RAD51B: variants seen among roughly 807,000 people sequenced by gnomAD.
RAD51B encodes the protein DNA repair protein RAD51 homolog 2.
A neutral mutation model predicts 42.2 loss-of-function variants in RAD51B; 38 were observed. The ratio of observed to expected loss-of-function variants is 0.90; its 90% CI spans 0.70 to 1.18. The LOEUF (loss-of-function observed/expected upper bound fraction) is 1.18. Ranked by LOEUF, RAD51B falls within the 50% of genes most tolerant of loss-of-function variation. The pLI is 0.00. For synonymous variants in RAD51B, 154 were observed against 145.2 expected, an observed-to-expected ratio of 1.06 and a Z score of -0.43; for missense variants, 373 against 400.7, an observed-to-expected ratio of 0.93 and a Z score of 0.59.
At chr14:68,416,751 G>A (rs2084570503) in intron 9 of RAD51B, among the ~76,000 whole-genome samples, 1 of 152,210 alleles carries the variant, frequency 6.6e-6, no homozygotes, top group Admixed American at 6.5e-5. Context: ...TAGTCTATGG[G>A]AGGATGGGAG....
chr14:68,479,667 C>CTTTTTTTTTTTTTTTTT (rs34999023), downstream of RAD51B, among the ~76,000 whole-genome samples: 9 of 96,452 alleles, frequency 9.3e-5, no homozygotes, highest in Non-Finnish European at 1.2e-4. Flanking sequence ...TCTTATTCTT[C>CTTTTTTTTTTTTTTTTT]TTTTTTTTTT....
chr14:68,513,973 G>A (rs2140317574), intron 10 of RAD51B, among the ~76,000 whole-genome samples: 1 of 152,302 alleles, frequency 6.6e-6, no homozygotes, highest in East Asian at 1.9e-4. Context: ...TAAAAAGGAA[G>A]CAATCCACGA....
intron 10 of RAD51B, among the ~76,000 whole-genome samples, chr14:68,633,983 T>C (rs1347598743): frequency 6.6e-6 from 1 of 152,204 alleles, no homozygotes; most frequent in African/African-American, 2.4e-5. Flanking sequence ...GGCAACTGTC[T>C]TCCAGTTGCT....
intron 7 of RAD51B, among the ~76,000 whole-genome samples, chr14:68,048,924 T>C (rs1166157062): frequency 1.3e-5 from 2 of 152,146 alleles, no homozygotes; most frequent in Non-Finnish European, 2.9e-5. Flanking sequence ...TTTATTGCGG[T>C]ACTATTCACA....
At chr14:68,619,842 T>C (rs1052165551) in intron 10 of RAD51B, among the ~76,000 whole-genome samples, 1 of 152,222 alleles carries the variant, frequency 6.6e-6, no homozygotes, top group Non-Finnish European at 1.5e-5. Context: ...TAGTGCACCT[T>C]TTCTGTCTTC....
rs532073865 is a variant in RAD51B, at chr14:68,098,061, T to A, written c.757-193823T>A. ...TCTTTCCTACTTGTTCTCATAGACA[T>A]TTATGTACAGTCTCGTGACTCTTTT... is the stretch of plus-strand genomic sequence containing the variant. On this transcript the variant is annotated intron_variant, in intron 7 of 10. Transcript: ENST00000471583. Among the ~76,000 whole-genome samples, 4 of 152,354 alleles carry A rather than the reference T, an allele frequency of 2.6e-5. No homozygotes were observed. In the East Asian group the frequency reaches 7.7e-4, roughly 29 times the overall value.
intron 10 of RAD51B, among the ~76,000 whole-genome samples, chr14:68,537,471 C>T (rs1235218354): frequency 6.7e-6 from 1 of 149,726 alleles, no homozygotes. Flanking sequence ...TGTACTCCAG[C>T]CTGGGCGACA....
intron 7 of RAD51B, among the ~76,000 whole-genome samples, chr14:68,123,191 CTTTTTTTTTTTTT>C (rs541886088): frequency 1.6e-5 from 2 of 125,502 alleles, no homozygotes; most frequent in African/African-American, 6.3e-5. Flanking sequence ...TTCTTTCTTT[CTTTTTTTTTTTTT>C]TTTTTTGAGA....
At chr14:67,836,060 G>A (rs991567670) in intron 4 of RAD51B, among the ~76,000 whole-genome samples, 1 of 152,188 alleles carries the variant, frequency 6.6e-6, no homozygotes, top group Non-Finnish European at 1.5e-5. Flanking sequence ...TATTGGATTA[G>A]TTAATACTGT....
intron 10 of RAD51B, among the ~76,000 whole-genome samples, chr14:68,505,433 T>C (rs1230368925): frequency 2.0e-5 from 3 of 152,120 alleles, no homozygotes; most frequent in African/African-American, 7.2e-5. Context: ...ATCTGTCAGC[T>C]GCCCGCTCTG....
At chr14:67,927,785 A>ATATATATACAC (rs1332025885) in intron 7 of RAD51B, among the ~76,000 whole-genome samples, 5 of 148,884 alleles carry the variant, frequency 3.4e-5, no homozygotes, top group African/African-American at 1.3e-4. Context: ...ACACATATAT[A>ATATATATACAC]ATGTGTGTGT....
At chr14:68,017,864 G>A (rs750972942) in intron 7 of RAD51B, among the ~76,000 whole-genome samples, 8 of 151,980 alleles carry the variant, frequency 5.3e-5, no homozygotes, top group Non-Finnish European at 1.0e-4. Flanking sequence ...CCAGCTACTC[G>A]GGACGCTGAG....
chr14:68,414,193 A>G (rs183670039), intron 9 of RAD51B, among the ~76,000 whole-genome samples: 205 of 152,300 alleles, frequency 1.3e-3, no homozygotes, highest in African/African-American at 4.6e-3. Context: ...TACACCCTGG[A>G]AACTTTGCAA....
chr14:68,136,774 G>A (rs2078021275), intron 7 of RAD51B, among the ~76,000 whole-genome samples: 1 of 65,652 alleles, frequency 1.5e-5, no homozygotes, highest in African/African-American at 3.2e-5. Context: ...GAGACAGAGG[G>A]AGACTAGATA....
intron 7 of RAD51B, among the ~76,000 whole-genome samples, chr14:68,057,506 A>G (rs184135993): frequency 7.6e-4 from 115 of 152,234 alleles, no homozygotes; most frequent in African/African-American, 2.5e-3. Context: ...GGATTTGAAA[A>G]CAGGATCACA....
chr14:68,568,372 A>C (rs1432489525), intron 10 of RAD51B, among the ~76,000 whole-genome samples: 1 of 152,206 alleles, frequency 6.6e-6, no homozygotes, highest in African/African-American at 2.4e-5. Context: ...CATTTCAGAG[A>C]GCTGCAAGTG....
Position 67,914,025 on chromosome 14 carries a change from C to T in RAD51B, c.756+26821C>T, listed in dbSNP as rs1459268039. 3.9e-5 allele frequency among the ~76,000 whole-genome samples: 6 copies of T among 152,108 alleles called. No individual in the cohort carries two copies. In the East Asian group the frequency reaches 5.8e-4, roughly 15 times the overall value. On this transcript the variant is annotated intron_variant, in intron 7 of 10. Coordinates refer to ENST00000471583, the MANE Select transcript of RAD51B (RefSeq NM_133510.4). ...TGAGATGGGGCCTCGCTCTTTCACC[C>T]AGGCTGAAGTGCAGTGGCATGATCT...
intron 7 of RAD51B, among the ~76,000 whole-genome samples, chr14:68,057,739 A>G (rs1462012020): frequency 6.6e-6 from 1 of 151,758 alleles, no homozygotes; most frequent in African/African-American, 2.4e-5. Context: ...ACATCATTGT[A>G]CTAACAGTAA....
Position 67,861,804 on chromosome 14 carries a change from A to G in RAD51B, c.316-3199A>G, listed in dbSNP as rs1298869193. Among the ~76,000 whole-genome samples the G allele has an allele frequency of 3.9e-5, 6 of 152,356 alleles. No individual in the cohort carries two copies. The South Asian group carries it at 8.3e-4, about 21-fold the overall frequency. ...GTAACTGCCTTTTCTAAAGGCTGGG[A>G]TAAAAACACAGAATGTTTTTAAAAT... On this transcript the variant is annotated intron_variant, in intron 4 of 10. Coordinates refer to ENST00000471583, the MANE Select transcript of RAD51B (RefSeq NM_133510.4).
Sources: allele counts gnomAD v4.1 joint callset (sites outside exome capture counted in the v4.1 genomes callset), GRCh38; gene constraint gnomAD v4.1.1; transcripts MANE v1.5; gene names NCBI Gene and HGNC (gene_info 2026-07-23, HGNC 2026-07-21).